Variants in EXOC4 observed in about 807,000 individuals in gnomAD.
The protein encoded by EXOC4 is exocyst complex component 4.
Under a neutral mutation model 107.2 loss-of-function variants are expected in EXOC4, and 71 were observed. That is an observed-to-expected ratio of 0.66 (90% CI 0.55 to 0.81). The LOEUF (loss-of-function observed/expected upper bound fraction) is 0.81. Among genes scored for constraint, EXOC4 ranks in the 30% least tolerant of loss-of-function variants. The pLI, the probability that EXOC4 is intolerant of heterozygous loss-of-function variation, is 0.00. For synonymous variants in EXOC4, 456 were observed against 441.2 expected (o/e 1.03, Z -0.42); for missense variants, 1,108 against 1,189.6 (o/e 0.93, Z 1.01).
At chr7:134,030,815 C>T (rs1036500938) in intron 17 of EXOC4, among the ~76,000 whole-genome samples, 1 of 152,016 alleles carries the variant, frequency 6.6e-6, no homozygotes, top group Admixed American at 6.6e-5. Flanking sequence ...CCTTTGCTGT[C>T]AGGCTCCCAA....
At chr7:133,802,620 A>G (rs1796971724) in intron 10 of EXOC4, among the ~76,000 whole-genome samples, 1 of 152,082 alleles carries the variant, frequency 6.6e-6, no homozygotes, top group South Asian at 2.1e-4. Context: ...GCACTTTGGG[A>G]GGCTGAGGCA....
intron 7 of EXOC4, among the ~76,000 whole-genome samples, chr7:133,394,566 A>T (rs1796928759): frequency 6.6e-6 from 1 of 152,196 alleles, no homozygotes; most frequent in South Asian, 2.1e-4. Context: ...GGAAACAGTT[A>T]TGAAGTGTTT....
intron 5 of EXOC4, among the ~76,000 whole-genome samples, chr7:133,332,902 A>T (rs1386041482): frequency 6.6e-6 from 1 of 152,056 alleles, no homozygotes; most frequent in African/African-American, 2.4e-5. Context: ...GTGGGAAGTT[A>T]TAGATTATAT....
intron 7 of EXOC4, among the ~76,000 whole-genome samples, chr7:133,425,915 C>G (rs1366554953): frequency 1.3e-5 from 2 of 152,176 alleles, no homozygotes; most frequent in Non-Finnish European, 2.9e-5. Context: ...GGTGTCCCAC[C>G]TTTCTGGACC....
intron 4 of EXOC4, among the ~76,000 whole-genome samples, chr7:133,307,264 CT>C (rs1233658296): frequency 6.6e-6 from 1 of 152,202 alleles, no homozygotes; most frequent in East Asian, 1.9e-4. Context: ...AGAAAAACTT[CT>C]GCCAGGCACA....
chr7:133,948,668 C>A (rs1218718986), intron 14 of EXOC4, among the ~76,000 whole-genome samples: 2 of 152,148 alleles, frequency 1.3e-5, no homozygotes, highest in Non-Finnish European at 2.9e-5. Context: ...TTCAGACTTT[C>A]AAGAACCTTT....
At chr7:133,885,271 G>A (rs1303252603) in intron 11 of EXOC4, among the ~76,000 whole-genome samples, 3 of 150,394 alleles carry the variant, frequency 2.0e-5, no homozygotes, top group African/African-American at 4.9e-5. Context: ...CCAAGATCGC[G>A]CTGCTGCACT....
chr7:133,335,619 A>G (rs1011990927), intron 5 of EXOC4, among the ~76,000 whole-genome samples: 6 of 152,180 alleles, frequency 3.9e-5, no homozygotes, highest in African/African-American at 9.7e-5. Flanking sequence ...ACATTTGGCT[A>G]TTGTGATAGT....
At chr7:133,370,802 C>G (rs915786641) in intron 6 of EXOC4, among the ~76,000 whole-genome samples, 1 of 152,198 alleles carries the variant, frequency 6.6e-6, no homozygotes, top group Non-Finnish European at 1.5e-5. Context: ...TTGAACCTTT[C>G]CCTGTCTTTA....
chr7:133,253,141 G>A lies in EXOC4; in HGVS notation c.40G>A (p.Val14Ile). Residue 14 changes from valine to isoleucine, a missense_variant, in exon 1 of 18, where the codon GTC (valine) becomes ATC (isoleucine). Coordinates refer to ENST00000253861, the MANE Select transcript of EXOC4 (RefSeq NM_021807.4). ...EAAGGKYRST[V>I]SKSKDPSGLL... Reference sequence around the variant, plus strand: ...AGCTGGTGGGAAATACAGAAGCACAGTCAGCAAAAGCAAAGACCCCTCGGG... The same window carrying A: ...AGCTGGTGGGAAATACAGAAGCACAATCAGCAAAAGCAAAGACCCCTCGGG... The A allele has an allele frequency of 2.5e-6, 4 of 1,614,210 alleles. No individual in the cohort carries two copies. In the South Asian group the frequency reaches 4.4e-5, roughly 18 times the overall value.
chr7:133,742,641 G>T (rs1795589774), intron 10 of EXOC4, among the ~76,000 whole-genome samples: 2 of 152,142 alleles, frequency 1.3e-5, no homozygotes, highest in Admixed American at 1.3e-4. Flanking sequence ...ATCAGAATCT[G>T]TTAAAAGCAT....
Position 133,882,413 on chromosome 7 carries a change from C to CT in EXOC4, c.1735-13185dup, listed in dbSNP as rs549140295. 2.1e-3 allele frequency among the ~76,000 whole-genome samples: 325 copies of CT among 152,310 alleles called. 1 individual carries two copies. Among genetic ancestry groups the CT allele is most frequent in the African/African-American group, 7.2e-3 (301 of 41,566 alleles). On this transcript the variant is annotated intron_variant, in intron 11 of 17. Coordinates refer to ENST00000253861, the MANE Select transcript of EXOC4 (RefSeq NM_021807.4). Reference sequence around the variant, plus strand: ...TTAATATAGGATGTACTTAACTTTACTCACTCAGTTAAGAAATATTTATTG... The same window carrying CT: ...TTAATATAGGATGTACTTAACTTTACTTCACTCAGTTAAGAAATATTTATTG...
intron 11 of EXOC4, among the ~76,000 whole-genome samples, chr7:133,861,592 T>C (rs895792235): frequency 2.0e-5 from 3 of 152,258 alleles, no homozygotes; most frequent in African/African-American, 7.2e-5. Context: ...TGGAGTGCAG[T>C]GGCGTGATCT....
At chr7:133,960,006 A>C (rs534356059) in intron 14 of EXOC4, among the ~76,000 whole-genome samples, 1 of 152,280 alleles carries the variant, frequency 6.6e-6, no homozygotes, top group Admixed American at 6.5e-5. Context: ...GGCTACAAGA[A>C]ATGGGGATTC....
At chr7:134,092,394 G>C in the EXOC4 span, among the ~76,000 whole-genome samples, 7 of 152,126 alleles carry the variant, frequency 4.6e-5, no homozygotes, top group East Asian at 1.2e-3. Context: ...AATAGAAATT[G>C]AGGAAGTCCA....
the EXOC4 span, among the ~76,000 whole-genome samples, chr7:134,097,283 T>C: frequency 6.6e-6 from 1 of 151,978 alleles, no homozygotes; most frequent in African/African-American, 2.4e-5. Context: ...AGACTGTCTC[T>C]CCCAGCTCTT....
At chr7:134,004,060 G>A (rs529185964) in intron 15 of EXOC4, among the ~76,000 whole-genome samples, 2 of 152,084 alleles carry the variant, frequency 1.3e-5, no homozygotes, top group Non-Finnish European at 2.9e-5. Flanking sequence ...TCCATGGCAC[G>A]TGGATGGATG....
At chr7:133,568,607 T>C (rs1585003199) in intron 9 of EXOC4, among the ~76,000 whole-genome samples, 1 of 152,174 alleles carries the variant, frequency 6.6e-6, no homozygotes, top group Non-Finnish European at 1.5e-5. Flanking sequence ...CCAGTTTTCA[T>C]TGAGTATCAT....
At chr7:133,515,027 AT>A (rs544365756) in intron 9 of EXOC4, among the ~76,000 whole-genome samples, 1 of 152,304 alleles carries the variant, frequency 6.6e-6, no homozygotes, top group Admixed American at 6.5e-5. Context: ...TATTCTTAAT[AT>A]ATTAATGTCA....
Sources: allele counts gnomAD v4.1 joint callset (sites outside exome capture counted in the v4.1 genomes callset), GRCh38; gene constraint gnomAD v4.1.1; transcripts MANE v1.5; gene names NCBI Gene and HGNC (gene_info 2026-07-23, HGNC 2026-07-21).